ADAP1: variants seen among roughly 807,000 people sequenced by gnomAD.
ADAP1 encodes the protein ArfGAP with dual PH domains 1, also known as arf-GAP with dual PH domain-containing protein 1.
ADAP1 carries 31 observed loss-of-function variants against 54.9 expected under a neutral mutation model. That is an observed-to-expected ratio of 0.56 (90% CI 0.42 to 0.76). ADAP1 has a LOEUF of 0.76. Among genes scored for constraint, ADAP1 ranks in the 30% least tolerant of loss-of-function variants. ADAP1 has a pLI of 0.00. For synonymous variants in ADAP1, 313 were observed against 202.6 expected (o/e 1.55, Z -4.63); for missense variants, 535 against 512.4 (o/e 1.04, Z -0.42).
At chr7:907,276 G>T (rs1323056635) in intron 4 of ADAP1, among the ~76,000 whole-genome samples, 3 of 152,168 alleles carry the variant, frequency 2.0e-5, no homozygotes, top group Non-Finnish European at 4.4e-5. Context: ...CGGGTGGTTA[G>T]GACGCTGCTG....
intron 2 of ADAP1, 68 bp downstream of exon 2, chr7:935,307 G>A: frequency 1.1e-5 from 17 of 1,522,820 alleles, no homozygotes; most frequent in Non-Finnish European, 1.5e-5. Flanking sequence ...CGGCATCTCT[G>A]GCTCCAGAGG....
intron 9 of ADAP1, 29 bp downstream of exon 9, chr7:899,390 C>A: frequency 6.2e-7 from 1 of 1,611,758 alleles, no homozygotes; most frequent in Non-Finnish European, 8.5e-7. Context: ...GAGCTGCCCT[C>A]CCGTGCTGGG....
rs1433619660 is a variant in ADAP1 at position 906,662 on chromosome 7, G to A, written c.389-1490C>T. Reference sequence around the variant, plus strand: ...AGAAAGGGAAAGGAGAAAGGGGGCGGGAAAGGGGACATGGACAGGGGACAC... The same window carrying A: ...AGAAAGGGAAAGGAGAAAGGGGGCGAGAAAGGGGACATGGACAGGGGACAC... On this transcript the variant is annotated intron_variant, in intron 4 of 10. Transcript: ENST00000265846. 4.6e-3 allele frequency among the ~76,000 whole-genome samples: 532 copies of A among 115,704 alleles called. 22 individuals carry two copies. The highest frequency in any genetic ancestry group is 7.8e-3 in the Middle Eastern group (2 of 258). The allele number at this position is 115,704 out of a possible 152,430, so 75.9% of individuals were successfully genotyped here. A position where few individuals can be genotyped will look rare whatever the true frequency, so the allele number is the denominator to read the frequency against.
At chr7:908,081 G>T (rs866982665) in intron 4 of ADAP1, among the ~76,000 whole-genome samples, 1 of 152,168 alleles carries the variant, frequency 6.6e-6, no homozygotes, top group Admixed American at 6.5e-5. Context: ...CATCCTGCTG[G>T]CCATGTGGCC....
intron 4 of ADAP1, among the ~76,000 whole-genome samples, chr7:917,639 A>AT (rs972217763): frequency 3.3e-5 from 5 of 151,964 alleles, no homozygotes; most frequent in South Asian, 2.1e-4. Flanking sequence ...TAATTTTTGT[A>AT]TTTTTTACTA....
Position 899,497 on chromosome 7 carries a change from G to T in ADAP1, c.796-7C>A. On this transcript the variant is annotated splice_region_variant and splice_polypyrimidine_tract_variant and intron_variant, in intron 8 of 10. Coordinates refer to ENST00000265846, the MANE Select transcript of ADAP1 (RefSeq NM_006869.4). ...TCCGGAAGCCTTCCGTTTGCTGTGG[G>T]TCAGAGAGGGCCCGTGACCGGCAGG... 6.2e-7 allele frequency: 1 copy of T among 1,612,428 alleles called. No individual in the cohort carries two copies. The highest frequency in any genetic ancestry group is 2.2e-5 in the East Asian group (1 of 44,848).
rs1177749946 is a variant in ADAP1 at position 935,235 on chromosome 7, C to T, written c.213+140G>A. On this transcript the variant is annotated intron_variant, in intron 2 of 10. Transcript: ENST00000265846. ...GCCGCTGGAGAGGGGGCGGGGTCCT[C>T]GGGTCCAGCCAGCCAGGCCCCCAGA... is the stretch of plus-strand genomic sequence containing the variant. The T allele has an allele frequency of 9.6e-6, 12 of 1,244,186 alleles. No individual in the cohort carries two copies. In the Admixed American group the frequency reaches 1.0e-4, roughly 11 times the overall value. The allele number at this position is 1,244,186 out of a possible 1,614,324, so 77.1% of individuals were successfully genotyped here. A position where few individuals can be genotyped will look rare whatever the true frequency, so the allele number is the denominator to read the frequency against.
intron 1 of ADAP1, among the ~76,000 whole-genome samples, chr7:951,773 G>C (rs969546007): frequency 6.6e-6 from 1 of 152,152 alleles, no homozygotes; most frequent in Non-Finnish European, 1.5e-5. Flanking sequence ...CAGTCCTTCC[G>C]GGGCATCAGA....
intron 2 of ADAP1, among the ~76,000 whole-genome samples, chr7:930,822 A>G (rs1276766419): frequency 1.3e-5 from 2 of 150,834 alleles, no homozygotes; most frequent in African/African-American, 2.4e-5. Context: ...CTCTAAAAAA[A>G]AAAAAGTAGC....
At position 912,059 on chromosome 7, in the gene ADAP1, A is replaced by G. The variant is rs567187305; in HGVS notation, c.389-6887T>C. On this transcript the variant is annotated intron_variant, in intron 4 of 10. Coordinates refer to ENST00000265846, the MANE Select transcript of ADAP1 (RefSeq NM_006869.4). ...TCGTCCCCACTATATGGACGGGGAA[A>G]CCGAGGCCCCAGACCTCGTGCACAG... Among the ~76,000 whole-genome samples the G allele has an allele frequency of 7.9e-4, 121 of 152,272 alleles. 1 individual carries two copies. Among genetic ancestry groups the G allele is most frequent in the Middle Eastern group, 6.8e-3 (2 of 294 alleles).
chr7:906,847 G>A (rs145979822), intron 4 of ADAP1, among the ~76,000 whole-genome samples: 2 of 150,642 alleles, frequency 1.3e-5, no homozygotes, highest in Non-Finnish European at 3.0e-5. Context: ...TGGTTGGTGA[G>A]GGGATATGAC....
intron 4 of ADAP1, among the ~76,000 whole-genome samples, chr7:911,365 A>C (rs1583146105): frequency 1.3e-5 from 2 of 152,170 alleles, no homozygotes; most frequent in South Asian, 4.1e-4. Context: ...TGACGTGTGG[A>C]TGCCCCCATC....
chr7:935,544 AG>A, intron 1 of ADAP1, 39 bp from the exon 2 acceptor site: 1 of 1,551,482 alleles, frequency 6.4e-7, no homozygotes, highest in Non-Finnish European at 8.7e-7. Context: ...GGCTCAGCCC[AG>A]GGACCCCGGA....
At position 926,438 on chromosome 7, in the gene ADAP1, T is replaced by C; in HGVS notation, c.305+115A>G. The C allele has an allele frequency of 4.8e-6, 4 of 833,148 alleles. No homozygotes were observed. Among genetic ancestry groups the C allele is most frequent in the Non-Finnish European group, 5.2e-6 (3 of 571,658 alleles). 51.6% of individuals were successfully genotyped at this position (833,148 alleles called of 1,614,324 possible). On this transcript the variant is annotated intron_variant, in intron 3 of 10. Transcript: ENST00000265846. The surrounding 1 kb of genome is among the most constrained non-coding windows in gnomAD (Gnocchi z 4.6). ...TCTGGGGGACGCAGCTGCGGCTGGC[T>C]TCTCCCCGACCCTGTGGGCGGCACC...
At chr7:914,429 G>T (rs1845847753) in intron 4 of ADAP1, among the ~76,000 whole-genome samples, 1 of 152,226 alleles carries the variant, frequency 6.6e-6, no homozygotes, top group Admixed American at 6.5e-5. Flanking sequence ...GTGCACTCTG[G>T]GAGGGGTTGG....
At chr7:904,294 G>C in intron 5 of ADAP1, 22 bp from the exon 6 acceptor site, 1 of 1,558,076 alleles carries the variant, frequency 6.4e-7, no homozygotes, top group Non-Finnish European at 8.7e-7. Context: ...TGGGGTCTAA[G>C]CACCTCACAG....
At chr7:944,276 ACAGAGTCTCACTCTATCACC>A (rs1847084289) in intron 1 of ADAP1, among the ~76,000 whole-genome samples, 1 of 135,252 alleles carries the variant, frequency 7.4e-6, no homozygotes, top group South Asian at 2.3e-4. Flanking sequence ...TTTTTTTGAG[ACAGAGTCTCACTCTATCACC>A]CAGGCTGGAG....
chr7:953,957 C>T (rs753974008), intron 1 of ADAP1, among the ~76,000 whole-genome samples: 34 of 152,184 alleles, frequency 2.2e-4, no homozygotes, highest in Admixed American at 6.5e-4. Flanking sequence ...TGAGGCATGA[C>T]GTCACCGCGA....
At position 905,288 on chromosome 7, in the gene ADAP1, GGGACAC is replaced by G; in HGVS notation, c.389-122_389-117del. Reference sequence around the variant, plus strand: ...GAGAAGACACGGGGGACACGGACGGGGGACACGGACAGGGGGAGACGGACGGGGAGA... The same window carrying G: ...GAGAAGACACGGGGGACACGGACGGGGGACAGGGGGAGACGGACGGGGAGA... On this transcript the variant is annotated intron_variant, in intron 4 of 10. Transcript: ENST00000265846. 4 of 363,052 alleles carry G rather than the reference GGGACAC, an allele frequency of 1.1e-5. 1 individual carries two copies. The highest frequency in any genetic ancestry group is 9.0e-5 in the South Asian group (4 of 44,392). 22.5% of individuals were successfully genotyped at this position (363,052 alleles called of 1,614,324 possible). A position where few individuals can be genotyped will look rare whatever the true frequency, so the allele number is the denominator to read the frequency against.
Sources: gnomAD v4.1 joint callset for allele counts (sites outside exome capture counted in the v4.1 genomes callset) on GRCh38, gnomAD v4.1.1 for gene constraint, Gnocchi (gnomAD v3.1) non-coding constraint, MANE v1.5 for transcripts, NCBI Gene and HGNC (gene_info 2026-07-23, HGNC 2026-07-21) for gene names.